Variants in GLYATL1 observed in about 807,000 individuals in gnomAD.
The protein encoded by GLYATL1 is glycine-N-acyltransferase like 1, also known as glycine N-acyltransferase-like protein 1.
A neutral mutation model predicts 20.0 loss-of-function variants in GLYATL1; 15 were observed. That is an observed-to-expected ratio of 0.75 (90% CI 0.50 to 1.15). The LOEUF (loss-of-function observed/expected upper bound fraction) is 1.15. Among genes scored for constraint, GLYATL1 ranks in the 50% most tolerant of loss-of-function variants. The pLI is 0.00. For missense variants in GLYATL1, 380 were observed against 368.5 expected, an observed-to-expected ratio of 1.03 and a Z score of -0.26; for synonymous variants, 151 against 131.5, an observed-to-expected ratio of 1.15 and a Z score of -1.01.
upstream of GLYATL1, among the ~76,000 whole-genome samples, chr11:58,937,616 G>A (rs115502759): frequency 6.8e-3 from 1,038 of 152,214 alleles, 14 homozygotes; most frequent in African/African-American, 0.023. Flanking sequence ...TGTTCGGTCC[G>A]TGCCTGAAAC....
chr11:58,936,072 G>T (rs1855821880), upstream of GLYATL1, among the ~76,000 whole-genome samples: 1 of 152,146 alleles, frequency 6.6e-6, no homozygotes, highest in African/African-American at 2.4e-5. Flanking sequence ...TATAATAAGA[G>T]AAATAATATG....
intron 1 of GLYATL1, among the ~76,000 whole-genome samples, chr11:58,919,984 G>GT (rs1855269532): frequency 6.6e-6 from 1 of 152,136 alleles, no homozygotes; most frequent in Admixed American, 6.5e-5. Flanking sequence ...GTATTTCCCA[G>GT]TTTTTTGGGC....
intron 1 of GLYATL1, among the ~76,000 whole-genome samples, 171 bp downstream of exon 1, chr11:58,939,821 T>C (rs1328626562): frequency 6.6e-6 from 1 of 152,172 alleles, no homozygotes; most frequent in Non-Finnish European, 1.5e-5. Flanking sequence ...TGTGTGTGTG[T>C]CCAGGCAAGT....
upstream of GLYATL1, among the ~76,000 whole-genome samples, chr11:58,927,385 T>G (rs1855451904): frequency 6.6e-6 from 1 of 152,248 alleles, no homozygotes; most frequent in Non-Finnish European, 1.5e-5. Context: ...GTGGGCTGTC[T>G]GCAAAGCTAG....
upstream of GLYATL1, chr11:58,935,718 T>G (rs968185819): frequency 6.6e-6 from 1 of 152,084 alleles, no homozygotes; most frequent in African/African-American, 2.4e-5. Context: ...AAAGAAAGAT[T>G]GCAGATCTTA....
intron 1 of GLYATL1, among the ~76,000 whole-genome samples, chr11:58,930,116 C>T (rs1294368167): frequency 6.6e-6 from 1 of 151,998 alleles, no homozygotes; most frequent in Non-Finnish European, 1.5e-5. Flanking sequence ...AAATTTTTTT[C>T]CAAAGTCTTT....
chr11:58,940,765 G>A (rs922210875), intron 1 of GLYATL1, among the ~76,000 whole-genome samples: 2 of 152,128 alleles, frequency 1.3e-5, no homozygotes, highest in Admixed American at 1.3e-4. Context: ...TTGGAGATAA[G>A]CCTGGGAAAC....
chr11:58,914,709 C>T (rs955092761), intron 1 of GLYATL1, among the ~76,000 whole-genome samples: 1 of 152,232 alleles, frequency 6.6e-6, no homozygotes, highest in African/African-American at 2.4e-5. Context: ...TGATAGAATG[C>T]TTCTTATCTT....
chr11:58,920,545 T>C (rs1855284901), intron 1 of GLYATL1, among the ~76,000 whole-genome samples: 1 of 152,052 alleles, frequency 6.6e-6, no homozygotes, highest in Non-Finnish European at 1.5e-5. Context: ...AATGTCCGGG[T>C]CTCCGAGGGG....
At chr11:58,906,373 C>CT (rs1035441417) in intron 1 of GLYATL1, among the ~76,000 whole-genome samples, 8 of 152,138 alleles carry the variant, frequency 5.3e-5, no homozygotes, top group African/African-American at 1.9e-4. Context: ...CCCTGGTGCC[C>CT]TTTGCACCCA....
chr11:58,923,589 A>G (rs77975887), upstream of GLYATL1, among the ~76,000 whole-genome samples: 6,252 of 152,122 alleles, frequency 0.041, 405 homozygotes, highest in African/African-American at 0.14. Context: ...GAGAGGTGGG[A>G]TTTTCCTTTT....
rs1237645786 is a variant in GLYATL1 at position 58,956,378 on chromosome 11, G to A, written c.*351G>A. The A allele has an allele frequency of 5.7e-5, 13 of 227,910 alleles. No individual in the cohort carries two copies. In the East Asian group the frequency reaches 1.1e-3, roughly 20 times the overall value. The allele number at this position is 227,910 out of a possible 1,614,324, so 14.1% of individuals were successfully genotyped here. A position where few individuals can be genotyped will look rare whatever the true frequency, so the allele number is the denominator to read the frequency against. ...TCTACTATCTGGAAGATAAATGAAG[G>A]ATTTTAATAAAATTTTCAATAGAAT... On this transcript the variant is annotated 3_prime_UTR_variant, in exon 7 of 7. Transcript: ENST00000532726.
At chr11:58,932,406 TTTC>T (rs1375774327) in intron 1 of GLYATL1, among the ~76,000 whole-genome samples, 4 of 152,322 alleles carry the variant, frequency 2.6e-5, no homozygotes, top group South Asian at 4.1e-4. Context: ...GATTATGCAT[TTTC>T]TTCTTCTTGT....
upstream of GLYATL1, among the ~76,000 whole-genome samples, chr11:58,938,963 G>A (rs1855962050): frequency 6.6e-6 from 1 of 152,212 alleles, no homozygotes; most frequent in East Asian, 1.9e-4. Flanking sequence ...CAGTTTGCCA[G>A]AATCATAGGC....
intron 1 of GLYATL1, among the ~76,000 whole-genome samples, chr11:58,940,219 C>A (rs1481971820): frequency 6.6e-6 from 1 of 152,110 alleles, no homozygotes; most frequent in Admixed American, 6.5e-5. Context: ...TGCTGTTTGA[C>A]CCCAGTGTTC....
At chr11:58,922,254 T>C (rs1463071908) in intron 1 of GLYATL1, among the ~76,000 whole-genome samples, 1 of 152,188 alleles carries the variant, frequency 6.6e-6, no homozygotes, top group Non-Finnish European at 1.5e-5. Flanking sequence ...GTTGAGCTGT[T>C]TCAGTCTGGC....
intron 1 of GLYATL1, among the ~76,000 whole-genome samples, chr11:58,915,791 C>T (rs1938787): frequency 0.46 from 69,729 of 152,018 alleles, 17,004 homozygotes; most frequent in Non-Finnish European, 0.55. Flanking sequence ...ACTGGGCATC[C>T]GTTTCTCCAT....
chr11:58,939,065 T>G (rs1451800639), upstream of GLYATL1, among the ~76,000 whole-genome samples: 2 of 152,160 alleles, frequency 1.3e-5, no homozygotes, highest in East Asian at 3.8e-4. Context: ...AACATAGAAA[T>G]TGACCCTTCT....
chr11:58,936,676 G>A (rs1258667221), upstream of GLYATL1, among the ~76,000 whole-genome samples: 1 of 152,210 alleles, frequency 6.6e-6, no homozygotes, highest in African/African-American at 2.4e-5. Flanking sequence ...GAGCAACAAA[G>A]AGTCCCCTAT....
Sources: allele counts gnomAD v4.1 joint callset (sites outside exome capture counted in the v4.1 genomes callset), GRCh38; gene constraint gnomAD v4.1.1; transcripts MANE v1.5; gene names NCBI Gene and HGNC (gene_info 2026-07-23, HGNC 2026-07-21).